ELMO1: variants seen among roughly 807,000 people sequenced by gnomAD.
The protein encoded by ELMO1 is engulfment and cell motility 1.
Under a neutral mutation model 98.9 loss-of-function variants are expected in ELMO1, and 26 were observed. The observed-to-expected ratio is 0.26, with a 90% CI of 0.19 to 0.36. The LOEUF (loss-of-function observed/expected upper bound fraction) is 0.36, where lower values mean the gene tolerates loss of function less well. Ranked by LOEUF, ELMO1 falls within the 10% of genes least tolerant of loss-of-function variation. The probability of loss-of-function intolerance (pLI) is 1.00; values close to 1 mark genes in which losing one functional copy is unlikely to be tolerated. For synonymous variants in ELMO1, 346 were observed against 346.0 expected (o/e 1.00, Z 0.00); for missense variants, 627 against 935.2 (o/e 0.67, Z 4.30).
intron 8 of ELMO1, among the ~76,000 whole-genome samples, chr7:37,228,273 CAT>C (rs1435067226): frequency 2.0e-5 from 3 of 152,226 alleles, no homozygotes; most frequent in Non-Finnish European, 2.9e-5. Flanking sequence ...TTAATGGACA[CAT>C]GTCTCTACGT....
chr7:36,966,882 A>C (rs2129127606), intron 16 of ELMO1, among the ~76,000 whole-genome samples: 1 of 152,360 alleles, frequency 6.6e-6, no homozygotes, highest in South Asian at 2.1e-4. Flanking sequence ...ATGTTGATTA[A>C]ATCAGCAGGC....
At chr7:37,395,604 A>G (rs1803264276) in intron 1 of ELMO1, among the ~76,000 whole-genome samples, 1 of 152,148 alleles carries the variant, frequency 6.6e-6, no homozygotes, top group African/African-American at 2.4e-5. Flanking sequence ...CTGCAGTAAT[A>G]AAAAGCTGAA....
intron 13 of ELMO1, among the ~76,000 whole-genome samples, chr7:37,180,578 T>C (rs113595790): frequency 1.4e-4 from 22 of 152,206 alleles, no homozygotes; most frequent in Admixed American, 4.6e-4. Context: ...AGAATAAGTG[T>C]AAAGGAAATT....
chr7:37,142,281 A>G (rs1787691795), intron 13 of ELMO1, among the ~76,000 whole-genome samples: 1 of 152,234 alleles, frequency 6.6e-6, no homozygotes, highest in Non-Finnish European at 1.5e-5. Context: ...CCTCCCCATT[A>G]CACACAAATT....
At chr7:36,893,464 G>A (rs900774313) in intron 17 of ELMO1, among the ~76,000 whole-genome samples, 4 of 152,164 alleles carry the variant, frequency 2.6e-5, no homozygotes, top group Non-Finnish European at 2.9e-5. Flanking sequence ...AAGCCAAAGC[G>A]CCTTGGAAGC....
chr7:37,003,053 TAC>T (rs1562889248), intron 16 of ELMO1, among the ~76,000 whole-genome samples: 1 of 152,212 alleles, frequency 6.6e-6, no homozygotes. Flanking sequence ...GACTTCCTCC[TAC>T]ACAGTTGGCC....
chr7:37,192,974 T>G lies in ELMO1; in HGVS notation c.1086+18412A>C, dbSNP rs1337678963. On this transcript the variant is annotated intron_variant, in intron 13 of 21. Transcript: ENST00000310758. Reference sequence around the variant, plus strand: ...ATATTTTTTATATATATAGGAGATATATATATATATATATATATATATATA... The same window carrying G: ...ATATTTTTTATATATATAGGAGATAGATATATATATATATATATATATATA... 7.5e-4 allele frequency among the ~76,000 whole-genome samples: 12 copies of G among 16,022 alleles called. No individual in the cohort carries two copies. The Admixed American group carries it at 8.0e-3, about 11-fold the overall frequency. 10.5% of individuals were successfully genotyped at this position (16,022 alleles called of 152,430 possible).
At chr7:36,979,165 G>A (rs1341086613) in intron 16 of ELMO1, among the ~76,000 whole-genome samples, 2 of 152,244 alleles carry the variant, frequency 1.3e-5, no homozygotes, top group Non-Finnish European at 2.9e-5. Context: ...AGAATAATCT[G>A]AAAGTAGAGA....
At chr7:37,401,982 A>T in intron 1 of ELMO1, among the ~76,000 whole-genome samples, 1 of 152,230 alleles carries the variant, frequency 6.6e-6, no homozygotes, top group Non-Finnish European at 1.5e-5. Flanking sequence ...TACATCTCTA[A>T]GACTGTCTAC....
chr7:36,947,967 C>T lies in ELMO1; in HGVS notation c.1438-52950G>A, dbSNP rs1227826480. Among the ~76,000 whole-genome samples, 45 of 152,202 alleles carry T rather than the reference C, an allele frequency of 3.0e-4. 1 individual carries two copies. Among genetic ancestry groups the T allele is most frequent in the Admixed American group, 2.8e-3 (43 of 15,282 alleles). Reference sequence around the variant, plus strand: ...ATTAATGAAGGTCGAGTTCAAGTGACATAAGCTAGGCAAACACTTGTCTAT... The same window carrying T: ...ATTAATGAAGGTCGAGTTCAAGTGATATAAGCTAGGCAAACACTTGTCTAT... On this transcript the variant is annotated intron_variant, in intron 16 of 21. Transcript: ENST00000310758.
intron 1 of ELMO1, among the ~76,000 whole-genome samples, chr7:37,441,938 G>A (rs1430209282): frequency 6.6e-6 from 1 of 152,170 alleles, no homozygotes; most frequent in Non-Finnish European, 1.5e-5. Context: ...GGAATAACCA[G>A]TAAGGAGAAA....
intron 2 of ELMO1, among the ~76,000 whole-genome samples, chr7:37,325,190 CCCCGA>C (rs1799735448): frequency 1.3e-5 from 2 of 152,162 alleles, no homozygotes; most frequent in African/African-American, 4.8e-5. Flanking sequence ...TGACTCCAGC[CCCCGA>C]TGCTGCCTTT....
intron 20 of ELMO1, among the ~76,000 whole-genome samples, chr7:36,867,138 T>C (rs568926521): frequency 1.5e-3 from 235 of 152,252 alleles, no homozygotes; most frequent in African/African-American, 5.5e-3. Flanking sequence ...GTAGCCTCTA[T>C]TTGCAGTCTT....
intron 15 of ELMO1, among the ~76,000 whole-genome samples, chr7:37,050,786 TTTG>T (rs1358363811): frequency 6.6e-6 from 1 of 151,338 alleles, no homozygotes; most frequent in African/African-American, 2.4e-5. Flanking sequence ...AAAAACCCTA[TTTG>T]ATAGATGTAG....
chr7:37,178,173 T>C (rs1243892539), intron 13 of ELMO1, among the ~76,000 whole-genome samples: 6 of 151,886 alleles, frequency 4.0e-5, no homozygotes, highest in Admixed American at 1.3e-4. Flanking sequence ...AAAAGAGGTT[T>C]AATGGACTCA....
intron 15 of ELMO1, among the ~76,000 whole-genome samples, chr7:37,090,090 G>C (rs1157241367): frequency 6.6e-6 from 1 of 152,124 alleles, no homozygotes; most frequent in Non-Finnish European, 1.5e-5. Flanking sequence ...CTATGTGAAG[G>C]TAGCCATCAT....
intron 13 of ELMO1, among the ~76,000 whole-genome samples, chr7:37,136,159 A>G (rs1325139832): frequency 6.6e-6 from 1 of 152,160 alleles, no homozygotes; most frequent in Admixed American, 6.5e-5. Context: ...AATTAACCCA[A>G]TCCGTCAAAG....
At chr7:37,444,047 G>A (rs1169438709) in intron 1 of ELMO1, among the ~76,000 whole-genome samples, 2 of 152,186 alleles carry the variant, frequency 1.3e-5, no homozygotes, top group East Asian at 1.9e-4. Flanking sequence ...TGGGACTACA[G>A]GTGCATGCCA....
At chr7:37,068,557 A>C (rs1797105631) in intron 15 of ELMO1, among the ~76,000 whole-genome samples, 2 of 152,246 alleles carry the variant, frequency 1.3e-5, no homozygotes, top group Admixed American at 1.3e-4. Context: ...AGTAAAACAC[A>C]AATAAGAAAA....
Sources: gnomAD v4.1 joint callset for allele counts (sites outside exome capture counted in the v4.1 genomes callset) on GRCh38, gnomAD v4.1.1 for gene constraint, MANE v1.5 for transcripts, NCBI Gene and HGNC (gene_info 2026-07-23, HGNC 2026-07-21) for gene names.